Variants in NOX4 observed in about 807,000 individuals in gnomAD.
NOX4 encodes the protein NADPH oxidase 4.
In NOX4, 69 loss-of-function variants were observed where a neutral mutation model predicts 87.6. That is an observed-to-expected ratio of 0.79 (90% confidence interval 0.65 to 0.96). NOX4 has a LOEUF of 0.96. Among genes scored for constraint, NOX4 ranks in the 40% least tolerant of loss-of-function variants. The probability of loss-of-function intolerance (pLI) is 0.00; values close to 1 mark genes in which losing one functional copy is unlikely to be tolerated. For missense variants in NOX4, 680 were observed against 681.5 expected, an observed-to-expected ratio of 1.00 and a Z score of 0.02; for synonymous variants, 275 against 238.2, an observed-to-expected ratio of 1.15 and a Z score of -1.42.
At chr11:89,563,153 T>C in the NOX4 span, among the ~76,000 whole-genome samples, 10 of 152,314 alleles carry the variant, frequency 6.6e-5, no homozygotes, top group Non-Finnish European at 8.8e-5. Flanking sequence ...TCAGGTAGTA[T>C]CTTTGTAGCA....
chr11:89,579,875 C>CTTTGTCTGG, the NOX4 span, among the ~76,000 whole-genome samples: 1 of 151,402 alleles, frequency 6.6e-6, no homozygotes, highest in Non-Finnish European at 1.5e-5. Context: ...TAGAAATTGC[C>CTTTGTCTGG]TTTGTCTGGA....
At chr11:89,579,149 G>A in the NOX4 span, among the ~76,000 whole-genome samples, 12 of 152,186 alleles carry the variant, frequency 7.9e-5, no homozygotes, top group Non-Finnish European at 1.6e-4. Flanking sequence ...TAGAGTTCAT[G>A]GAAGAAAGGG....
At chr11:89,578,998 C>T in the NOX4 span, among the ~76,000 whole-genome samples, 7 of 152,076 alleles carry the variant, frequency 4.6e-5, no homozygotes, top group Admixed American at 4.6e-4. Context: ...ACTATCCAGC[C>T]ATGAAAAGAC....
In NOX4 at chr11:89,426,507, T is replaced by C. The variant is rs555638955; in HGVS notation, c.549-4525A>G. Among the ~76,000 whole-genome samples, 5 of 151,996 alleles carry C rather than the reference T, an allele frequency of 3.3e-5. 1 individual carries two copies. The highest frequency in any genetic ancestry group is 4.2e-4 in the South Asian group (2 of 4,802). ...GCTGTGACAGATGGCACCTGGAAAA[T>C]TGGGTCACTCCTACCCTAATACTGT... On this transcript the variant is annotated intron_variant, in intron 7 of 17. Transcript: ENST00000263317.
At chr11:89,481,196 A>G (rs1946377879) in intron 2 of NOX4, among the ~76,000 whole-genome samples, 1 of 151,988 alleles carries the variant, frequency 6.6e-6, no homozygotes, top group Non-Finnish European at 1.5e-5. Flanking sequence ...CAGCATCTGT[A>G]TGCTCAGCAA....
At chr11:89,435,556 G>A (rs1475017788) in intron 6 of NOX4, among the ~76,000 whole-genome samples, 2 of 152,048 alleles carry the variant, frequency 1.3e-5, no homozygotes, top group Non-Finnish European at 2.9e-5. Flanking sequence ...TCTCTGAGAA[G>A]TATTAAATTC....
intron 8 of NOX4, among the ~76,000 whole-genome samples, chr11:89,406,778 A>G (rs1420102765): frequency 2.0e-5 from 3 of 152,156 alleles, no homozygotes; most frequent in Admixed American, 2.0e-4. Context: ...GCACAGATAT[A>G]ATGGGTCAAA....
chr11:89,490,376 T>C (rs978799074), intron 2 of NOX4, 82 bp downstream of exon 2: 4 of 918,146 alleles, frequency 4.4e-6, no homozygotes, highest in African/African-American at 1.6e-5. Context: ...ATTTCTTTAA[T>C]GAATGGAACT....
the NOX4 span, among the ~76,000 whole-genome samples, chr11:89,536,476 T>C: frequency 6.6e-6 from 1 of 152,252 alleles, no homozygotes; most frequent in East Asian, 1.9e-4. Context: ...TGCAGTTCCA[T>C]ATGATCCTTC....
At chr11:89,433,222 T>G (rs1451219249) in intron 6 of NOX4, among the ~76,000 whole-genome samples, 1 of 152,062 alleles carries the variant, frequency 6.6e-6, no homozygotes, top group African/African-American at 2.4e-5. Context: ...TATAATACAT[T>G]ATTGCTTACT....
intron 12 of NOX4, among the ~76,000 whole-genome samples, chr11:89,372,839 C>A (rs757421496): frequency 6.6e-6 from 1 of 151,820 alleles, no homozygotes; most frequent in Non-Finnish European, 1.5e-5. Flanking sequence ...GTTACTCTGG[C>A]GGGTCAAGGA....
intron 8 of NOX4, among the ~76,000 whole-genome samples, chr11:89,412,359 G>A (rs1820685660): frequency 1.3e-5 from 2 of 152,046 alleles, no homozygotes; most frequent in African/African-American, 4.8e-5. Flanking sequence ...AATGGCTGCA[G>A]AACACAGATT....
intron 2 of NOX4, among the ~76,000 whole-genome samples, chr11:89,476,317 T>C (rs984324997): frequency 9.2e-5 from 14 of 152,184 alleles, no homozygotes; most frequent in African/African-American, 3.4e-4. Flanking sequence ...TGTAGCTTTT[T>C]TTGGTTAAAT....
the NOX4 span, among the ~76,000 whole-genome samples, chr11:89,519,795 G>A: frequency 6.6e-6 from 1 of 151,918 alleles, no homozygotes; most frequent in Admixed American, 6.6e-5. Flanking sequence ...ACCAATATCA[G>A]GTCTGTCTGA....
chr11:89,439,015 T>C (rs1157372548), intron 6 of NOX4, among the ~76,000 whole-genome samples: 1 of 118,256 alleles, frequency 8.5e-6, no homozygotes, highest in African/African-American at 3.1e-5. Context: ...GTAATATTAG[T>C]ATAATCATAA....
At chr11:89,523,760 C>T in the NOX4 span, among the ~76,000 whole-genome samples, 2 of 152,064 alleles carry the variant, frequency 1.3e-5, no homozygotes, top group African/African-American at 4.8e-5. Context: ...ACAAAACATG[C>T]TATACTCATG....
At chr11:89,371,736 A>G (rs1339674873) in intron 12 of NOX4, among the ~76,000 whole-genome samples, 1 of 151,764 alleles carries the variant, frequency 6.6e-6, no homozygotes, top group African/African-American at 2.4e-5. Context: ...GTGATTATTC[A>G]TATGTTCATA....
At chr11:89,430,169 A>T (rs1045806409) in intron 7 of NOX4, among the ~76,000 whole-genome samples, 2 of 152,044 alleles carry the variant, frequency 1.3e-5, no homozygotes, top group Non-Finnish European at 2.9e-5. Context: ...CATGCTAAAA[A>T]CTCTCAATAA....
intron 6 of NOX4, among the ~76,000 whole-genome samples, chr11:89,434,624 A>G (rs1943986450): frequency 1.3e-5 from 2 of 152,190 alleles, no homozygotes; most frequent in African/African-American, 2.4e-5. Context: ...CCCAAAAGAA[A>G]CAAACATATA....
Sources: allele counts gnomAD v4.1 joint callset (sites outside exome capture counted in the v4.1 genomes callset), GRCh38; gene constraint gnomAD v4.1.1; transcripts MANE v1.5; gene names NCBI Gene and HGNC (gene_info 2026-07-23, HGNC 2026-07-21).